INSR: variants seen among roughly 807,000 people sequenced by gnomAD.
INSR encodes the protein IR.
A neutral mutation model predicts 142.6 loss-of-function variants in INSR; 67 were observed. That is an observed-to-expected ratio of 0.47 (90% CI 0.39 to 0.58). INSR has a LOEUF of 0.58. INSR is among the 20% of genes least tolerant of loss of function. INSR has a pLI of 0.00. For synonymous variants in INSR, 756 were observed against 743.1 expected (o/e 1.02, Z -0.28); for missense variants, 1,248 against 1,833.2 (o/e 0.68, Z 5.83).
At chr19:7,188,899 G>T (rs1323149003) in intron 2 of INSR, among the ~76,000 whole-genome samples, 1 of 151,388 alleles carries the variant, frequency 6.6e-6, no homozygotes, top group East Asian at 1.9e-4. Context: ...AAAAAGGGAG[G>T]GGGGATTGTT....
At position 7,168,062 on chromosome 19, in the gene INSR, G is replaced by A. The variant is rs754537233; in HGVS notation, c.1516C>T (p.Arg506Trp). Residue 506 changes from arginine (R) to tryptophan (W), a missense_variant, in exon 7 of 22, where the codon CGG becomes TGG. This residue lies in a region of INSR where 1,069 missense variants were observed against 1,654.0 expected (regional missense o/e 0.65). Coordinates refer to ENST00000302850, the MANE Select transcript of INSR (RefSeq NM_000208.4). This position sits in a 1 kb window ranked among gnomAD's most constrained non-coding sequence, Gnocchi z 4.3. ...ENELLKFSYI[R>W]TSFDKILLRW... is the part of the protein sequence containing the mutation. ...AGCAAGATCTTGTCAAAAGATGTCC[G>A]AATGTAAGAAAATTTAAGTAACTCA... The A allele has an allele frequency of 6.2e-7, 1 of 1,613,918 alleles. No homozygotes were observed. Among genetic ancestry groups the A allele is most frequent in the Non-Finnish European group, 8.5e-7 (1 of 1,179,862 alleles).
intron 1 of INSR, 128 bp downstream of exon 1, chr19:7,293,664 C>G: frequency 1.3e-6 from 1 of 747,982 alleles, no homozygotes; most frequent in Non-Finnish European, 1.8e-6. Context: ...CAGGAGCTAC[C>G]GTCCTGGCCA....
chr19:7,126,949 A>T (rs907222279), intron 15 of INSR, among the ~76,000 whole-genome samples: 1 of 151,538 alleles, frequency 6.6e-6, no homozygotes, highest in Non-Finnish European at 1.5e-5. Context: ...TTGTGGCTGG[A>T]GGGCAGTGGT....
At chr19:7,289,258 G>A (rs762986032) in intron 1 of INSR, among the ~76,000 whole-genome samples, 3 of 152,014 alleles carry the variant, frequency 2.0e-5, no homozygotes, top group Non-Finnish European at 4.4e-5. Context: ...TGAGAAAAGA[G>A]TGAGATGGAA....
At chr19:7,212,002 G>T (rs1306203804) in intron 2 of INSR, among the ~76,000 whole-genome samples, 1 of 152,064 alleles carries the variant, frequency 6.6e-6, no homozygotes, top group Non-Finnish European at 1.5e-5. Context: ...CTTAAAGTAG[G>T]GTTTCTCAGC....
intron 9 of INSR, among the ~76,000 whole-genome samples, chr19:7,153,333 C>A (rs1451240347): frequency 2.3e-5 from 3 of 130,024 alleles, no homozygotes; most frequent in African/African-American, 1.0e-4. Context: ...CACACACACC[C>A]ACGCCACACA....
chr19:7,123,206 T>C (rs867221953), intron 17 of INSR: 3 of 544,530 alleles, frequency 5.5e-6, no homozygotes, highest in Admixed American at 3.1e-5. Context: ...AATCTTGCTG[T>C]TACCCAGGCT....
chr19:7,236,465 C>T (rs10221475), intron 2 of INSR, among the ~76,000 whole-genome samples: 152,259 of 152,358 alleles, frequency 1, 76,080 homozygotes, highest in African/African-American at 1. Context: ...AACTAAATGT[C>T]GTCTCTCCAC....
rs1161289283 is a variant in INSR at position 7,243,234 on chromosome 19, G to GTTTTTTTTTT, written c.652+24101_652+24110dup. On this transcript the variant is annotated intron_variant, in intron 2 of 21. Coordinates refer to ENST00000302850, the MANE Select transcript of INSR (RefSeq NM_000208.4). ...TCACAGCCAGTCACACACTGTTTTG[G>GTTTTTTTTTT]TTTTTTTTTTTTTTTTTTTTTTTTT... Among the ~76,000 whole-genome samples the GTTTTTTTTTT allele has an allele frequency of 1.8e-4, 12 of 68,216 alleles. 1 individual carries two copies. Among genetic ancestry groups the GTTTTTTTTTT allele is most frequent in the Admixed American group, 2.6e-4 (1 of 3,906 alleles). The allele number at this position is 68,216 out of a possible 152,430, so 44.8% of individuals were successfully genotyped here.
In INSR at chr19:7,225,177, A is replaced by C. The variant is rs1286603804; in HGVS notation, c.653-40540T>G. Among the ~76,000 whole-genome samples the C allele has an allele frequency of 6.6e-6, 1 of 152,200 alleles. No homozygotes were observed. Among genetic ancestry groups the C allele is most frequent in the African/African-American group, 2.4e-5 (1 of 41,442 alleles). On this transcript the variant is annotated intron_variant, in intron 2 of 21. Coordinates refer to ENST00000302850, the MANE Select transcript of INSR (RefSeq NM_000208.4). The surrounding 1 kb of genome is among the most constrained non-coding windows in gnomAD (Gnocchi z 4.7). ...AGATGTTCCCATTTTACAGAGGAGA[A>C]GACTGAGGCACAGAGAGGTTCAGTA...
At chr19:7,153,203 A>AAAT in intron 9 of INSR, among the ~76,000 whole-genome samples, 1 of 58,614 alleles carries the variant, frequency 1.7e-5, no homozygotes, top group Non-Finnish European at 4.3e-5. Flanking sequence ...CACACCACAC[A>AAAT]CACCACACAC....
intron 9 of INSR, among the ~76,000 whole-genome samples, chr19:7,160,347 A>G (rs958971533): frequency 7.9e-5 from 12 of 151,472 alleles, no homozygotes; most frequent in African/African-American, 2.4e-4. Context: ...GGGTTTTGCC[A>G]TATTGGCCAG....
chr19:7,145,823 G>T (rs1205025564), intron 11 of INSR, among the ~76,000 whole-genome samples: 2 of 152,216 alleles, frequency 1.3e-5, no homozygotes, highest in Admixed American at 1.3e-4. Context: ...TACATTGGCT[G>T]GATGCCCAGA....
intron 2 of INSR, among the ~76,000 whole-genome samples, chr19:7,253,984 G>C (rs1365173057): frequency 2.8e-5 from 4 of 145,360 alleles, no homozygotes; most frequent in Non-Finnish European, 4.4e-5. Context: ...AGCCGAGATT[G>C]TGTCACTGTG....
chr19:7,260,855 C>T (rs891158754), intron 2 of INSR, among the ~76,000 whole-genome samples: 1 of 151,274 alleles, frequency 6.6e-6, no homozygotes, highest in Non-Finnish European at 1.5e-5. Context: ...GACTGGAAGC[C>T]GGTGCTGCTT....
At chr19:7,259,104 C>T (rs8108574) in intron 2 of INSR, among the ~76,000 whole-genome samples, 2 of 129,524 alleles carry the variant, frequency 1.5e-5, no homozygotes, top group East Asian at 2.1e-4. Context: ...TCCCTCCTTC[C>T]TTCCTTCCTT....
intron 2 of INSR, among the ~76,000 whole-genome samples, chr19:7,201,977 T>A (rs947829122): frequency 3.9e-5 from 6 of 152,156 alleles, no homozygotes; most frequent in African/African-American, 1.2e-4. Flanking sequence ...CTTAATTTTA[T>A]CTACAATATT....
intron 13 of INSR, among the ~76,000 whole-genome samples, chr19:7,133,891 A>G (rs1972844753): frequency 6.6e-6 from 1 of 152,014 alleles, no homozygotes; most frequent in Non-Finnish European, 1.5e-5. Flanking sequence ...AATAAAATGC[A>G]AAAGTGACTC....
intron 2 of INSR, among the ~76,000 whole-genome samples, chr19:7,202,634 G>A (rs1293315025): frequency 3.4e-5 from 2 of 57,974 alleles, no homozygotes; most frequent in African/African-American, 2.0e-4. Flanking sequence ...CAAGTAGCTA[G>A]GATTACAGGG....
Sources: allele counts gnomAD v4.1 joint callset (sites outside exome capture counted in the v4.1 genomes callset), GRCh38; gene constraint gnomAD v4.1.1; regional missense constraint gnomAD v4.1.1; non-coding constraint Gnocchi (gnomAD v3.1); transcripts MANE v1.5; gene names NCBI Gene and HGNC (gene_info 2026-07-23, HGNC 2026-07-21).